Variants in SYTL2 observed in about 807,000 individuals in gnomAD.
SYTL2 encodes synaptotagmin like 2, also known as synaptotagmin-like protein 2.
SYTL2 carries 165 observed loss-of-function variants against 198.7 expected under a neutral mutation model. That is an observed-to-expected ratio of 0.83 (90% CI 0.73 to 0.94). The LOEUF (loss-of-function observed/expected upper bound fraction) is 0.94. SYTL2 is among the 40% of genes least tolerant of loss of function. The pLI, the probability that SYTL2 is intolerant of heterozygous loss-of-function variation, is 0.00. For synonymous variants in SYTL2, 966 were observed against 917.7 expected (o/e 1.05, Z -0.95); for missense variants, 2,835 against 2,582.8 (o/e 1.10, Z -2.12).
rs1458816974 is a variant in SYTL2 at position 85,764,271 on chromosome 11, C to T, written c.-389-6157G>A. On this transcript the variant is annotated intron_variant, in intron 1 of 19. Coordinates refer to ENST00000359152, the MANE Select transcript of SYTL2 (RefSeq NM_206927.4). ...CTCACATGTTGTTCTCTAAGCCTCTCATGATCTTGGTCATTTCCCTCCAGA... is the reference window on the plus strand; with the variant it reads ...CTCACATGTTGTTCTCTAAGCCTCTTATGATCTTGGTCATTTCCCTCCAGA... Among the ~76,000 whole-genome samples, 5 of 152,230 alleles carry T rather than the reference C, an allele frequency of 3.3e-5. No individual in the cohort carries two copies. The South Asian group carries it at 1.0e-3, about 31-fold the overall frequency.
intron 1 of SYTL2, among the ~76,000 whole-genome samples, chr11:85,762,501 A>G (rs1321866655): frequency 6.6e-6 from 1 of 152,120 alleles, no homozygotes; most frequent in East Asian, 1.9e-4. Context: ...TCCTTCACCA[A>G]CTTCCCACTG....
At chr11:85,787,362 G>A (rs1017674573) in intron 1 of SYTL2, among the ~76,000 whole-genome samples, 1 of 152,170 alleles carries the variant, frequency 6.6e-6, no homozygotes, top group Non-Finnish European at 1.5e-5. Context: ...CCAGGAACTA[G>A]TGCTCACCTC....
intron 1 of SYTL2, among the ~76,000 whole-genome samples, chr11:85,778,007 T>C (rs12803368): frequency 6.6e-6 from 1 of 151,842 alleles, no homozygotes; most frequent in Admixed American, 6.6e-5. Context: ...TTAGTGAAGA[T>C]GGGGTTTCAC....
chr11:85,795,604 T>C lies in SYTL2; in HGVS notation c.-390+15350A>G, dbSNP rs771981496. ...TATGTTAAAAAAAGAAAAAGTTACATAGGAAACATTTTCCAGGATGAAACT... is the reference window on the plus strand; with the variant it reads ...TATGTTAAAAAAAGAAAAAGTTACACAGGAAACATTTTCCAGGATGAAACT... On this transcript the variant is annotated intron_variant, in intron 1 of 19. Transcript: ENST00000359152. Among the ~76,000 whole-genome samples, 4 of 152,180 alleles carry C rather than the reference T, an allele frequency of 2.6e-5. 1 individual carries two copies. Among genetic ancestry groups the C allele is most frequent in the Admixed American group, 2.0e-4 (3 of 15,268 alleles).
chr11:85,724,912 A>T lies in SYTL2; in HGVS notation c.4446T>A (p.Ile1482=). 6.2e-7 allele frequency: 1 copy of T among 1,614,154 alleles called. No individual in the cohort carries two copies. Among genetic ancestry groups the T allele is most frequent in the East Asian group, 2.2e-5 (1 of 44,888 alleles). The change falls in exon 8 of 20, where the codon ATT becomes ATA. Residue 1482 remains isoleucine, a synonymous_variant. Coordinates refer to ENST00000359152, the MANE Select transcript of SYTL2 (RefSeq NM_206927.4). ...GKGLPQEVEE[I]VRETIVQPKS... is the part of the protein sequence containing the mutation. ...TGGGTTGAACAATTGTTTCCCTCAC[A>T]ATTTCTTCCACTTCCTGAGGGAGGC...
At chr11:85,723,198 C>T (rs909786510) in intron 8 of SYTL2, among the ~76,000 whole-genome samples, 15 of 152,142 alleles carry the variant, frequency 9.9e-5, no homozygotes, top group East Asian at 1.9e-4. Context: ...ACAGCCTGGC[C>T]GCCAAAACCA....
intron 1 of SYTL2, among the ~76,000 whole-genome samples, chr11:85,801,560 T>C (rs528144030): frequency 1.3e-5 from 2 of 152,364 alleles, no homozygotes; most frequent in African/African-American, 2.4e-5. Context: ...ATCTCCTCTG[T>C]ACACACAAGT....
chr11:85,717,060 A>T (rs1300042445), intron 11 of SYTL2: 1 of 153,378 alleles, frequency 6.5e-6, no homozygotes, highest in Non-Finnish European at 1.4e-5. Flanking sequence ...CAGTTCTTTC[A>T]TAGGTCCAAA....
At chr11:85,841,368 G>A in the SYTL2 span, among the ~76,000 whole-genome samples, 2 of 152,102 alleles carry the variant, frequency 1.3e-5, no homozygotes, top group African/African-American at 2.4e-5. Context: ...ACACATGCAC[G>A]CATATGTTCG....
intron 1 of SYTL2, among the ~76,000 whole-genome samples, chr11:85,796,368 AT>A (rs2092804560): frequency 6.6e-6 from 1 of 152,200 alleles, no homozygotes; most frequent in Non-Finnish European, 1.5e-5. Flanking sequence ...ACCAACTCTT[AT>A]TTTGGGGCAG....
At chr11:85,745,533 G>A in intron 4 of SYTL2, 104 bp downstream of exon 4, 2 of 1,318,348 alleles carry the variant, frequency 1.5e-6, no homozygotes, top group Non-Finnish European at 2.1e-6. Context: ...CCATGCCCAT[G>A]ACCCCAGTCT....
chr11:85,705,002 C>G lies in SYTL2; in HGVS notation c.6045G>C (p.Lys2015Asn). 1 of 1,611,928 alleles carries G rather than the reference C, an allele frequency of 6.2e-7. No individual in the cohort carries two copies. The change falls in exon 16 of 20, where the codon AAG becomes AAC. Residue 2015 changes from lysine to asparagine, a missense_variant. Transcript: ENST00000359152. ...LRYKIEKQIL[K>N]TQKLNLSIWH... The stretch of plus-strand genomic sequence containing the variant: ...AAATGGACAGGTTCAATTTCTGTGT[C>G]TTTAAGATTTGTTTTTCAATTTTAT...
At position 85,720,888 on chromosome 11, in the gene SYTL2, T is replaced by C. The variant is rs773753897; in HGVS notation, c.5398A>G (p.Ser1800Gly). The C allele has an allele frequency of 1.2e-6, 2 of 1,613,510 alleles. No homozygotes were observed. The highest frequency in any genetic ancestry group is 1.7e-6 in the Non-Finnish European group (2 of 1,179,426). Residue 1800 changes from serine to glycine, a missense_variant, in exon 9 of 20, where the codon AGT (serine) becomes GGT (glycine). Around this residue, in one of 3 missense-constraint regions of SYTL2, gnomAD observed 2,645 missense variants for 2,381.7 expected, o/e 1.11. Transcript: ENST00000359152. Reference sequence around the variant, plus strand: ...GAATCTGATGAAATGTCTTCTAGACTTTTGGAAGGCATTTTCCTAGCGGCA... The same window carrying C: ...GAATCTGATGAAATGTCTTCTAGACCTTTGGAAGGCATTTTCCTAGCGGCA... ...RSAARKMPSKSLEDISSDSSN... is the reference protein window; with the variant it reads ...RSAARKMPSKGLEDISSDSSN...
At chr11:85,808,424 G>A (rs2092989406) in intron 1 of SYTL2, among the ~76,000 whole-genome samples, 1 of 151,978 alleles carries the variant, frequency 6.6e-6, no homozygotes. Context: ...AATATGTTTA[G>A]TTTTGGTAAT....
intron 2 of SYTL2, among the ~76,000 whole-genome samples, chr11:85,751,534 C>T (rs949148368): frequency 6.6e-6 from 1 of 152,160 alleles, no homozygotes; most frequent in Non-Finnish European, 1.5e-5. Context: ...TTATGTTTAG[C>T]AGAGAGTTAA....
At chr11:85,765,063 T>C (rs1403583305) in intron 1 of SYTL2, among the ~76,000 whole-genome samples, 1 of 152,210 alleles carries the variant, frequency 6.6e-6, no homozygotes, top group Non-Finnish European at 1.5e-5. Context: ...AATTACTCAA[T>C]GTAGTGGGTG....
Position 85,726,897 on chromosome 11 carries a change from G to T in SYTL2, c.2461C>A (p.Gln821Lys). 6.5e-7 allele frequency: 1 copy of T among 1,536,606 alleles called. No homozygotes were observed. Among genetic ancestry groups the T allele is most frequent in the African/African-American group, 1.4e-5 (1 of 73,150 alleles). The part of the protein sequence containing the change: ...EKPTSSCSQE[Q>K]PSAKAYQPVK... Reference sequence around the variant, plus strand: ...GGCTGATATGCTTTAGCAGAAGGTTGTTCCTGGCTACATGAAGATGTGGGT... The same window carrying T: ...GGCTGATATGCTTTAGCAGAAGGTTTTTCCTGGCTACATGAAGATGTGGGT... The change falls in exon 8 of 20, where the codon CAA becomes AAA. Residue 821 changes from glutamine to lysine, a missense_variant. By Grantham distance (53) the Gln-to-Lys change is moderately conservative. This residue lies in a region of SYTL2 where 2,645 missense variants were observed against 2,381.7 expected (regional missense o/e 1.11). Coordinates refer to ENST00000359152, the MANE Select transcript of SYTL2 (RefSeq NM_206927.4).
intron 11 of SYTL2, among the ~76,000 whole-genome samples, chr11:85,715,418 C>T (rs1263906951): frequency 6.6e-6 from 1 of 151,970 alleles, no homozygotes; most frequent in Non-Finnish European, 1.5e-5. Context: ...TAATAAATAT[C>T]ATATGATAAA....
At chr11:85,837,005 C>A in the SYTL2 span, among the ~76,000 whole-genome samples, 1 of 152,208 alleles carries the variant, frequency 6.6e-6, no homozygotes, top group East Asian at 1.9e-4. Flanking sequence ...TGGTTTCAAC[C>A]CTTTGCTCCT....
Sources: allele counts gnomAD v4.1 joint callset (sites outside exome capture counted in the v4.1 genomes callset), GRCh38; gene constraint gnomAD v4.1.1; regional missense constraint gnomAD v4.1.1; transcripts MANE v1.5; gene names NCBI Gene and HGNC (gene_info 2026-07-23, HGNC 2026-07-21).